The following EPB41L4B variants were observed in gnomAD, a reference collection of about 807,000 sequenced individuals.
EPB41L4B encodes the protein band 4.1-like protein 4B.
A neutral mutation model predicts 112.5 loss-of-function variants in EPB41L4B; 30 were observed. The ratio of observed to expected loss-of-function variants is 0.27; its 90% confidence interval spans 0.20 to 0.36. The LOEUF (loss-of-function observed/expected upper bound fraction) is 0.36. Among genes scored for constraint, EPB41L4B ranks in the 10% least tolerant of loss-of-function variants. The pLI, the probability that EPB41L4B is intolerant of heterozygous loss-of-function variation, is 1.00. For synonymous variants in EPB41L4B, 408 were observed against 439.7 expected (o/e 0.93, Z 0.90); for missense variants, 1,024 against 1,133.3 (o/e 0.90, Z 1.38).
At chr9:109,290,782 A>AC (rs200836092) in intron 1 of EPB41L4B, among the ~76,000 whole-genome samples, 3 of 142,796 alleles carry the variant, frequency 2.1e-5, no homozygotes, top group Non-Finnish European at 3.1e-5. Context: ...ACACACACAC[A>AC]CCCCCCACCA....
chr9:109,187,640 C>G (rs1228409137), intron 22 of EPB41L4B, among the ~76,000 whole-genome samples: 1 of 152,158 alleles, frequency 6.6e-6, no homozygotes, highest in African/African-American at 2.4e-5. Flanking sequence ...CCAGAAACAA[C>G]TACAACAGGG....
rs1834622721 is a variant in EPB41L4B, at chr9:109,247,920, A to T, written c.1311-131T>A. ...ATACTCTAATAGGAACTTCCACATA[A>T]TGACTTTTTTTTGGTTATTGGCTGT... is the stretch of plus-strand genomic sequence containing the variant. On this transcript the variant is annotated intron_variant, in intron 13 of 25. Transcript: ENST00000374566. The T allele has an allele frequency of 4.8e-6, 3 of 621,220 alleles. No individual in the cohort carries two copies. In the South Asian group the frequency reaches 2.0e-4, roughly 41 times the overall value. 38.5% of individuals were successfully genotyped at this position (621,220 alleles called of 1,614,324 possible). A position where few individuals can be genotyped will look rare whatever the true frequency, so the allele number is the denominator to read the frequency against.
intron 1 of EPB41L4B, among the ~76,000 whole-genome samples, chr9:109,307,615 C>T (rs1296818894): frequency 6.6e-6 from 1 of 152,160 alleles, no homozygotes; most frequent in African/African-American, 2.4e-5. Flanking sequence ...GTCTCAGGCC[C>T]CAGCAGGCAA....
intron 15 of EPB41L4B, among the ~76,000 whole-genome samples, chr9:109,223,585 C>T (rs2118869798): frequency 6.6e-6 from 1 of 152,332 alleles, no homozygotes; most frequent in African/African-American, 2.4e-5. Context: ...CTCTACAGCT[C>T]AGCCCAGCTC....
chr9:109,185,419 C>A, intron 23 of EPB41L4B, 70 bp downstream of exon 23: 1 of 1,371,504 alleles, frequency 7.3e-7, no homozygotes, highest in Non-Finnish European at 1.0e-6. Context: ...CCCAGGCTTC[C>A]ACCTCGCCTG....
chr9:109,199,989 A>G (rs1832767423), intron 20 of EPB41L4B, among the ~76,000 whole-genome samples: 1 of 152,146 alleles, frequency 6.6e-6, no homozygotes. Context: ...TGAGGTGATA[A>G]AGGTGGATTG....
chr9:109,177,692 G>A lies in EPB41L4B; in HGVS notation c.2488-996C>T, dbSNP rs552016529. Among the ~76,000 whole-genome samples the A allele has an allele frequency of 5.4e-4, 82 of 151,906 alleles. 1 individual carries two copies. Among genetic ancestry groups the A allele is most frequent in the Admixed American group, 3.1e-3 (47 of 15,260 alleles). ...CAAAAAATCAGCCGGGCACGCTGGC[G>A]CACGCCTGTAATCCCAGCTACTCAG... On this transcript the variant is annotated intron_variant, in intron 24 of 25. Transcript: ENST00000374566.
chr9:109,294,359 A>T (rs1836653837), intron 1 of EPB41L4B, among the ~76,000 whole-genome samples: 2 of 150,236 alleles, frequency 1.3e-5, no homozygotes, highest in African/African-American at 4.9e-5. Context: ...GCTCATGCCT[A>T]TAATCCCAGC....
intron 20 of EPB41L4B, 123 bp from the exon 21 acceptor site, chr9:109,194,520 T>C: frequency 9.8e-7 from 1 of 1,020,356 alleles, no homozygotes; most frequent in Non-Finnish European, 1.4e-6. Context: ...CCCAAACAGA[T>C]GTCCACCAGA....
intron 3 of EPB41L4B, among the ~76,000 whole-genome samples, chr9:109,267,994 T>C (rs1213067641): frequency 6.6e-6 from 1 of 152,216 alleles, no homozygotes; most frequent in Non-Finnish European, 1.5e-5. Context: ...TTAAAAAATG[T>C]GGTTTCCACA....
chr9:109,284,183 C>T (rs1213643333), intron 1 of EPB41L4B, among the ~76,000 whole-genome samples: 6 of 152,222 alleles, frequency 3.9e-5, no homozygotes, highest in African/African-American at 7.2e-5. Flanking sequence ...AATCATTGAA[C>T]GCAAAGCCTA....
At chr9:109,280,571 T>C (rs1835995558) in intron 1 of EPB41L4B, among the ~76,000 whole-genome samples, 1 of 152,178 alleles carries the variant, frequency 6.6e-6, no homozygotes, top group Non-Finnish European at 1.5e-5. Context: ...CTAACGTTTC[T>C]ATTCCTGCCC....
At chr9:109,292,639 T>C (rs1836574402) in intron 1 of EPB41L4B, among the ~76,000 whole-genome samples, 1 of 152,212 alleles carries the variant, frequency 6.6e-6, no homozygotes. Context: ...AAGTACCAGG[T>C]AGCCAAATAC....
intron 1 of EPB41L4B, among the ~76,000 whole-genome samples, chr9:109,317,034 G>T (rs1056994958): frequency 6.6e-6 from 1 of 152,142 alleles, no homozygotes; most frequent in Non-Finnish European, 1.5e-5. Context: ...GCGGCTAGGA[G>T]ATTAAGACCG....
At chr9:109,191,713 G>GT (rs950191414) in intron 22 of EPB41L4B, among the ~76,000 whole-genome samples, 45 of 149,390 alleles carry the variant, frequency 3.0e-4, no homozygotes, top group Middle Eastern at 3.5e-3. Flanking sequence ...AAGCCACCAT[G>GT]TTTTTTTTTT....
intron 1 of EPB41L4B, among the ~76,000 whole-genome samples, chr9:109,312,895 T>G (rs1372582977): frequency 6.6e-6 from 1 of 152,058 alleles, no homozygotes; most frequent in Non-Finnish European, 1.5e-5. Context: ...CAGACACAGC[T>G]GAACTCCTAC....
At chr9:109,189,407 G>A (rs991134864) in intron 22 of EPB41L4B, among the ~76,000 whole-genome samples, 3 of 152,172 alleles carry the variant, frequency 2.0e-5, no homozygotes, top group Non-Finnish European at 4.4e-5. Context: ...AGGAATGTAA[G>A]AGAATAAAAG....
chr9:109,262,296 C>T (rs1481760125), intron 6 of EPB41L4B, among the ~76,000 whole-genome samples: 1 of 152,184 alleles, frequency 6.6e-6, no homozygotes, highest in African/African-American at 2.4e-5. Flanking sequence ...AGGGACCCAA[C>T]ACAGACCATT....
intron 24 of EPB41L4B, among the ~76,000 whole-genome samples, chr9:109,180,285 C>G (rs754099334): frequency 3.6e-4 from 55 of 152,338 alleles, no homozygotes; most frequent in Non-Finnish European, 7.1e-4. Flanking sequence ...GCTTCCTGCT[C>G]CATCTTGGCC....
Sources: gnomAD v4.1 joint callset for allele counts (sites outside exome capture counted in the v4.1 genomes callset) on GRCh38, gnomAD v4.1.1 for gene constraint, MANE v1.5 for transcripts, NCBI Gene and HGNC (gene_info 2026-07-23, HGNC 2026-07-21) for gene names.